TPH2: variants seen among roughly 807,000 people sequenced by gnomAD.
The protein encoded by TPH2 is tryptophan hydroxylase 2.
Under a neutral mutation model 59.1 loss-of-function variants are expected in TPH2, and 27 were observed. That is an observed-to-expected ratio of 0.46 (90% CI 0.34 to 0.63). The LOEUF is 0.63. Among genes scored for constraint, TPH2 ranks in the 30% least tolerant of loss-of-function variants. The pLI is 0.01. For synonymous variants in TPH2, 220 were observed against 210.5 expected (o/e 1.05, Z -0.39); for missense variants, 523 against 588.3 (o/e 0.89, Z 1.15).
Position 72,031,955 on chromosome 12 carries a change from C to T in TPH2, c.*260C>T. ...AGATTTGACATTCCTGCTTAGTGTC[C>T]TTAACCAAACTGCATCTAGTTAAAA... is the stretch of plus-strand genomic sequence containing the variant. On this transcript the variant is annotated 3_prime_UTR_variant, in exon 11 of 11. Coordinates refer to ENST00000333850, the MANE Select transcript of TPH2 (RefSeq NM_173353.4). 3 of 472,050 alleles carry T rather than the reference C, an allele frequency of 6.4e-6. No individual in the cohort carries two copies. The South Asian group carries it at 6.5e-5, about 10-fold the overall frequency. 29.2% of individuals were successfully genotyped at this position (472,050 alleles called of 1,614,324 possible). A position where few individuals can be genotyped will look rare whatever the true frequency, so the allele number is the denominator to read the frequency against.
chr12:71,998,627 A>G (rs940430642), intron 8 of TPH2, among the ~76,000 whole-genome samples: 2 of 152,194 alleles, frequency 1.3e-5, no homozygotes, highest in Admixed American at 1.3e-4. Flanking sequence ...AAATTTAATG[A>G]CCCACTTGCA....
intron 2 of TPH2, 107 bp downstream of exon 2, chr12:71,941,840 G>T: frequency 7.7e-7 from 1 of 1,305,512 alleles, no homozygotes. Context: ...ATAATGTGGT[G>T]AAAGATTCAA....
chr12:72,022,900 A>G (rs561969578), intron 9 of TPH2, among the ~76,000 whole-genome samples: 1 of 152,352 alleles, frequency 6.6e-6, no homozygotes, highest in South Asian at 2.1e-4. Context: ...TGGACTCCCC[A>G]GCATCTACTT....
chr12:71,987,687 T>TA (rs1215125898), intron 7 of TPH2, among the ~76,000 whole-genome samples: 1 of 151,992 alleles, frequency 6.6e-6, no homozygotes, highest in Non-Finnish European at 1.5e-5. Flanking sequence ...CCGTCTCTAC[T>TA]AAAAATACAA....
intron 9 of TPH2, among the ~76,000 whole-genome samples, chr12:72,028,089 A>G (rs1010767420): frequency 6.6e-6 from 1 of 152,112 alleles, no homozygotes; most frequent in Non-Finnish European, 1.5e-5. Flanking sequence ...GTCCTTTTAG[A>G]GGGTGTTCTG....
intron 9 of TPH2, among the ~76,000 whole-genome samples, chr12:72,027,144 C>T (rs1476540145): frequency 3.3e-5 from 5 of 151,942 alleles, no homozygotes; most frequent in African/African-American, 1.2e-4. Context: ...TAATAACTGT[C>T]ATTGAAAAAG....
chr12:71,959,368 G>T (rs1014566587), intron 5 of TPH2, among the ~76,000 whole-genome samples: 11 of 152,174 alleles, frequency 7.2e-5, no homozygotes, highest in African/African-American at 2.7e-4. Flanking sequence ...TTGGAGTAGA[G>T]CTGTTTTGCT....
At chr12:71,944,537 A>G (rs571805408) in intron 3 of TPH2, 49 bp from the exon 4 acceptor site, 2 of 1,613,738 alleles carry the variant, frequency 1.2e-6, no homozygotes, top group African/African-American at 2.7e-5. Flanking sequence ...GCAAAGGGGA[A>G]AACACAATCT....
chr12:71,958,643 T>G (rs1386846799), intron 5 of TPH2, among the ~76,000 whole-genome samples: 1 of 152,144 alleles, frequency 6.6e-6, no homozygotes, highest in African/African-American at 2.4e-5. Context: ...TTTCCCTCTC[T>G]CCCAGGCCCC....
chr12:72,009,988 T>A (rs2139234728), intron 8 of TPH2, among the ~76,000 whole-genome samples: 1 of 152,322 alleles, frequency 6.6e-6, no homozygotes, highest in Non-Finnish European at 1.5e-5. Context: ...TCCATGTCAG[T>A]TTCCCCATGT....
chr12:71,999,127 C>T (rs1872761472), intron 8 of TPH2, among the ~76,000 whole-genome samples: 1 of 152,230 alleles, frequency 6.6e-6, no homozygotes, highest in Non-Finnish European at 1.5e-5. Flanking sequence ...AGCTTTTGAA[C>T]TTCTTGGTCT....
chr12:71,957,317 T>C (rs1355650193), intron 5 of TPH2, among the ~76,000 whole-genome samples: 1 of 150,000 alleles, frequency 6.7e-6, no homozygotes, highest in African/African-American at 2.5e-5. Flanking sequence ...TCATTTAAAA[T>C]GAGTAAAGGA....
At chr12:71,961,556 C>T (rs761881771) in intron 5 of TPH2, 32 of 1,352,042 alleles carry the variant, frequency 2.4e-5, no homozygotes, top group East Asian at 4.6e-5. Flanking sequence ...ATTCTAGTGG[C>T]CCAAGACTGT....
At chr12:71,941,094 T>A (rs1008159139) in intron 1 of TPH2, among the ~76,000 whole-genome samples, 1 of 152,230 alleles carries the variant, frequency 6.6e-6, no homozygotes, top group African/African-American at 2.4e-5. Flanking sequence ...GGGCATGTGC[T>A]GACATATTTT....
At chr12:71,941,977 G>C (rs1204084445) in intron 2 of TPH2, among the ~76,000 whole-genome samples, 1 of 152,156 alleles carries the variant, frequency 6.6e-6, no homozygotes, top group African/African-American at 2.4e-5. Flanking sequence ...ACTATTGCCA[G>C]GTTAGGAGGT....
chr12:71,993,840 C>T (rs1210081864), intron 7 of TPH2, among the ~76,000 whole-genome samples: 1 of 152,136 alleles, frequency 6.6e-6, no homozygotes, highest in Admixed American at 6.5e-5. Context: ...AAATTGGATT[C>T]CAATTTTGTC....
At position 71,984,200 on chromosome 12, in the gene TPH2, T is replaced by C. The variant is rs141786081; in HGVS notation, c.941+5113T>C. Among the ~76,000 whole-genome samples, 13 of 152,336 alleles carry C rather than the reference T, an allele frequency of 8.5e-5. No individual in the cohort carries two copies. The East Asian group carries it at 2.5e-3, about 29-fold the overall frequency. Reference sequence around the variant, plus strand: ...TTTTTGTTGCAGTTGACCAGTTTAGTGGCAATTAATGTTATTTTTAAATAT... The same window carrying C: ...TTTTTGTTGCAGTTGACCAGTTTAGCGGCAATTAATGTTATTTTTAAATAT... On this transcript the variant is annotated intron_variant, in intron 7 of 10. Coordinates refer to ENST00000333850, the MANE Select transcript of TPH2 (RefSeq NM_173353.4).
chr12:71,992,559 G>A (rs1872604743), intron 7 of TPH2, among the ~76,000 whole-genome samples: 1 of 151,810 alleles, frequency 6.6e-6, no homozygotes, highest in African/African-American at 2.4e-5. Context: ...AGCTGTGATT[G>A]CACTACTGCA....
At chr12:72,010,221 G>A (rs1185247122) in intron 8 of TPH2, among the ~76,000 whole-genome samples, 1 of 152,082 alleles carries the variant, frequency 6.6e-6, no homozygotes, top group Non-Finnish European at 1.5e-5. Flanking sequence ...TGCCTCTCAG[G>A]GTTGTTGTGA....
Sources: allele counts gnomAD v4.1 joint callset (sites outside exome capture counted in the v4.1 genomes callset), GRCh38; gene constraint gnomAD v4.1.1; transcripts MANE v1.5; gene names NCBI Gene and HGNC (gene_info 2026-07-23, HGNC 2026-07-21).